The following RBMS3 variants were observed in gnomAD, a reference collection of about 807,000 sequenced individuals.
RBMS3 encodes RNA-binding motif, single-stranded-interacting protein 3.
In RBMS3, 27 loss-of-function variants were observed where a neutral mutation model predicts 66.8. That is an observed-to-expected ratio of 0.40 (90% CI 0.30 to 0.56). The LOEUF is 0.56. Ranked by LOEUF, RBMS3 falls within the 20% of genes least tolerant of loss-of-function variation. RBMS3 has a pLI of 0.40. For synonymous variants in RBMS3, 188 were observed against 183.0 expected (o/e 1.03, Z -0.22); for missense variants, 513 against 549.5 (o/e 0.93, Z 0.66).
chr3:29,700,837 G>A (rs1011148515), intron 4 of RBMS3, among the ~76,000 whole-genome samples: 6 of 123,616 alleles, frequency 4.9e-5, no homozygotes, highest in African/African-American at 1.9e-4. Flanking sequence ...CTGGTTAGAG[G>A]ACACACGAGG....
chr3:29,321,608 A>C (rs1014345235), intron 1 of RBMS3, among the ~76,000 whole-genome samples: 2 of 152,162 alleles, frequency 1.3e-5, no homozygotes, highest in Non-Finnish European at 2.9e-5. Context: ...TTCCCTGTGA[A>C]ATACTAGGGT....
chr3:29,479,059 A>G (rs918727663), intron 2 of RBMS3, among the ~76,000 whole-genome samples: 1 of 152,208 alleles, frequency 6.6e-6, no homozygotes, highest in Non-Finnish European at 1.5e-5. Context: ...ATGAAATCAA[A>G]GAAAGAGTAA....
intron 3 of RBMS3, among the ~76,000 whole-genome samples, chr3:29,555,348 A>G (rs2149038526): frequency 6.6e-6 from 1 of 152,304 alleles, no homozygotes; most frequent in Non-Finnish European, 1.5e-5. Flanking sequence ...GACCCTCTAA[A>G]TGATCCTTCA....
intron 1 of RBMS3, among the ~76,000 whole-genome samples, chr3:29,401,672 A>G (rs985554137): frequency 6.6e-6 from 1 of 152,072 alleles, no homozygotes; most frequent in East Asian, 1.9e-4. Context: ...ATAGGTGGGA[A>G]CTTCTGAATG....
chr3:29,679,768 G>GTATATATATATATATA (rs34934611), intron 4 of RBMS3, among the ~76,000 whole-genome samples: 1,822 of 145,208 alleles, frequency 0.013, 46 homozygotes, highest in African/African-American at 0.044. Context: ...CTACTTGACT[G>GTATATATATATATATA]TATATATATA....
chr3:29,892,987 T>C (rs1372789329), intron 8 of RBMS3, among the ~76,000 whole-genome samples: 1 of 151,352 alleles, frequency 6.6e-6, no homozygotes, highest in African/African-American at 2.4e-5. Context: ...GCCTTGTGTA[T>C]TTTCTTTAGA....
intron 1 of RBMS3, among the ~76,000 whole-genome samples, chr3:29,351,915 C>T (rs1012672058): frequency 3.9e-5 from 6 of 151,958 alleles, no homozygotes; most frequent in African/African-American, 1.2e-4. Context: ...CACACACACA[C>T]GTACCTGTGT....
intron 1 of RBMS3, among the ~76,000 whole-genome samples, chr3:29,336,554 A>G (rs2035961650): frequency 6.6e-6 from 1 of 152,188 alleles, no homozygotes; most frequent in Non-Finnish European, 1.5e-5. Context: ...CGAAAGGATT[A>G]CTTTATAGGA....
intron 1 of RBMS3, among the ~76,000 whole-genome samples, chr3:29,345,319 C>T (rs2036510431): frequency 1.3e-5 from 2 of 152,164 alleles, no homozygotes; most frequent in South Asian, 4.1e-4. Flanking sequence ...CTCTTGAAAA[C>T]TCATGGCTTT....
intron 14 of RBMS3, among the ~76,000 whole-genome samples, chr3:29,996,964 T>A (rs1307117065): frequency 6.6e-6 from 1 of 151,876 alleles, no homozygotes. Flanking sequence ...CTTCAAAAAA[T>A]TAATGAATCC....
At chr3:29,713,623 A>C (rs149385784) in intron 4 of RBMS3, among the ~76,000 whole-genome samples, 5 of 152,276 alleles carry the variant, frequency 3.3e-5, no homozygotes, top group African/African-American at 9.6e-5. Context: ...ATTCTCTTCA[A>C]ACATTCTAGC....
chr3:29,745,180 T>C (rs1229481898), intron 5 of RBMS3, among the ~76,000 whole-genome samples: 1 of 152,238 alleles, frequency 6.6e-6, no homozygotes, highest in Non-Finnish European at 1.5e-5. Flanking sequence ...TTACAGGCTT[T>C]TCAAAGTTCC....
At chr3:29,846,639 C>T (rs2058785477) in intron 6 of RBMS3, among the ~76,000 whole-genome samples, 1 of 152,068 alleles carries the variant, frequency 6.6e-6, no homozygotes, top group African/African-American at 2.4e-5. Flanking sequence ...CTTTTAGGTG[C>T]TCTGCTGCAA....
chr3:29,553,781 T>C (rs903968177), intron 3 of RBMS3, among the ~76,000 whole-genome samples: 1 of 149,736 alleles, frequency 6.7e-6, no homozygotes, highest in Non-Finnish European at 1.5e-5. Flanking sequence ...ACAATTTTTA[T>C]TACAATACCA....
chr3:29,387,300 TC>T (rs2125635575), intron 1 of RBMS3, among the ~76,000 whole-genome samples: 1 of 152,236 alleles, frequency 6.6e-6, no homozygotes, highest in South Asian at 2.1e-4. Context: ...TCAAAACAAG[TC>T]ATTATTTTCC....
intron 4 of RBMS3, among the ~76,000 whole-genome samples, chr3:29,599,008 G>A (rs748122609): frequency 2.0e-5 from 3 of 151,944 alleles, no homozygotes; most frequent in Non-Finnish European, 4.4e-5. Context: ...ATTGGTGATA[G>A]TCGGGGCAGA....
chr3:29,938,605 C>T (rs569196539), intron 11 of RBMS3, among the ~76,000 whole-genome samples: 2 of 152,050 alleles, frequency 1.3e-5, no homozygotes, highest in South Asian at 2.1e-4. Flanking sequence ...TCTAATTCTT[C>T]GATATGCCTT....
At chr3:29,665,110 A>G (rs2050701762) in intron 4 of RBMS3, among the ~76,000 whole-genome samples, 1 of 152,236 alleles carries the variant, frequency 6.6e-6, no homozygotes, top group Non-Finnish European at 1.5e-5. Flanking sequence ...GCTAGTAACC[A>G]GAATTAAGCA....
chr3:29,487,789 G>A (rs75715595), intron 2 of RBMS3, among the ~76,000 whole-genome samples: 13,836 of 151,944 alleles, frequency 0.091, 831 homozygotes, highest in African/African-American at 0.17. Context: ...TTAAATAAAT[G>A]TATTTATATT....
Sources: gnomAD v4.1 joint callset for allele counts (sites outside exome capture counted in the v4.1 genomes callset) on GRCh38, gnomAD v4.1.1 for gene constraint, MANE v1.5 for transcripts, NCBI Gene and HGNC (gene_info 2026-07-23, HGNC 2026-07-21) for gene names.